Variants in CD109 observed in about 807,000 individuals in gnomAD.
The protein encoded by CD109 is CD109 antigen.
In CD109, 149 loss-of-function variants were observed where a neutral mutation model predicts 165.8. That is an observed-to-expected ratio of 0.90 (90% confidence interval 0.79 to 1.03). The LOEUF is 1.03. CD109 is among the 50% of genes least tolerant of loss of function. The probability of loss-of-function intolerance (pLI) is 0.00; values close to 1 mark genes in which losing one functional copy is unlikely to be tolerated. For missense variants in CD109, 1,712 were observed against 1,677.8 expected, an observed-to-expected ratio of 1.02 and a Z score of -0.36; for synonymous variants, 585 against 592.1, an observed-to-expected ratio of 0.99 and a Z score of 0.18.
chr6:73,725,193 A>G (rs938834305), intron 3 of CD109, among the ~76,000 whole-genome samples: 4 of 152,174 alleles, frequency 2.6e-5, no homozygotes, highest in Non-Finnish European at 4.4e-5. Context: ...AACCTAAAAC[A>G]TTAGATACTG....
At chr6:73,788,735 T>C (rs1298571999) in intron 22 of CD109, 123 bp downstream of exon 22, 7 of 798,600 alleles carry the variant, frequency 8.8e-6, no homozygotes, top group Middle Eastern at 3.5e-4. Flanking sequence ...AAGTTTTTAA[T>C]TGGGCCCAAC....
rs753896488 is a variant in CD109, at chr6:73,762,388, A to G, written c.763A>G (p.Thr255Ala). ...HLNGTITAKYTYGKPVKGDVT... is the reference protein window; with the variant it reads ...HLNGTITAKYAYGKPVKGDVT... ...ACTATGTTTATAATTATTCAGGTAT[A>G]CATATGGGAAGCCAGTGAAAGGAGA... The change falls in exon 8 of 33, where the codon ACA becomes GCA. Residue 255 changes from threonine to alanine, a missense_variant. Physicochemically the swap from Thr to Ala is moderately conservative, Grantham distance 58. Transcript: ENST00000287097. The G allele has an allele frequency of 8.8e-6, 14 of 1,586,716 alleles. No individual in the cohort carries two copies. Among genetic ancestry groups the G allele is most frequent in the Non-Finnish European group, 1.2e-5 (14 of 1,155,650 alleles).
At chr6:73,809,825 GATAAATAAATACATGTCTGGC>G (rs1328203992) in intron 26 of CD109, among the ~76,000 whole-genome samples, 138 bp from the exon 27 acceptor site, 2 of 152,004 alleles carry the variant, frequency 1.3e-5, no homozygotes, top group Non-Finnish European at 2.9e-5. Flanking sequence ...GTGTGTTTGT[GATAAATAAATACATGTCTGGC>G]ATAAATAAAT....
At chr6:73,697,672 G>A in intron 2 of CD109, 100 bp downstream of exon 2, 2 of 971,686 alleles carry the variant, frequency 2.1e-6, no homozygotes, top group Non-Finnish European at 1.5e-6. Flanking sequence ...CCCCAAATTT[G>A]CAGTATCTTA....
rs1772319320 is a variant in CD109 at position 73,730,407 on chromosome 6, A to G, written c.340A>G (p.Ile114Val). The change falls in exon 4 of 33, where the codon ATT becomes GTT. Residue 114 changes from isoleucine to valine, a missense_variant. Physicochemically the swap from Ile to Val is conservative, Grantham distance 29. Transcript: ENST00000287097. ...TGTAACCGGACGTACCCAGGATGAGATTTTATTCTCTAATAGTACCCGCTT... is the reference window on the plus strand; with the variant it reads ...TGTAACCGGACGTACCCAGGATGAGGTTTTATTCTCTAATAGTACCCGCTT... ...LRVTGRTQDEILFSNSTRLSF... is the reference protein window; with the variant it reads ...LRVTGRTQDEVLFSNSTRLSF... 4 of 1,613,980 alleles carry G rather than the reference A, an allele frequency of 2.5e-6. No individual in the cohort carries two copies. The highest frequency in any genetic ancestry group is 3.4e-6 in the Non-Finnish European group (4 of 1,179,900).
At chr6:73,753,896 A>G (rs762194262) in intron 5 of CD109, among the ~76,000 whole-genome samples, 6 of 152,198 alleles carry the variant, frequency 3.9e-5, no homozygotes, top group Non-Finnish European at 7.3e-5. Context: ...GAATTGACTC[A>G]TTTATTCATT....
chr6:73,699,672 T>A (rs771573023), intron 2 of CD109, among the ~76,000 whole-genome samples: 15 of 152,292 alleles, frequency 9.8e-5, no homozygotes, highest in Non-Finnish European at 1.5e-4. Flanking sequence ...GTTCAAGTAC[T>A]CAAGACTGGG....
rs558742775 is a variant in CD109 at position 73,716,840 on chromosome 6, A to C, written c.248-6411A>C. ...GCCTGTGCTTGTGGGATATTGCTCA[A>C]GAAATCTTTGCCCAGTTCAGTGTCC... On this transcript the variant is annotated intron_variant, in intron 2 of 32. Coordinates refer to ENST00000287097, the MANE Select transcript of CD109 (RefSeq NM_133493.5). Among the ~76,000 whole-genome samples the C allele has an allele frequency of 2.6e-5, 4 of 152,314 alleles. No homozygotes were observed. In the South Asian group the frequency reaches 8.3e-4, roughly 32 times the overall value.
chr6:73,766,257 G>A, intron 11 of CD109, 103 bp downstream of exon 11: 1 of 855,628 alleles, frequency 1.2e-6, no homozygotes, highest in Non-Finnish European at 1.8e-6. Context: ...CATAGGAAGT[G>A]GACACATGTT....
chr6:73,697,225 T>C (rs1306278490), intron 1 of CD109, among the ~76,000 whole-genome samples, 175 bp from the exon 2 acceptor site: 1 of 152,266 alleles, frequency 6.6e-6, no homozygotes, highest in African/African-American at 2.4e-5. Flanking sequence ...GGAATTATTG[T>C]TGTTTCAGTA....
rs142605206 is a variant in CD109 at position 73,790,450 on chromosome 6, G to C, written c.2701+1838G>C. 2.0e-3 allele frequency among the ~76,000 whole-genome samples: 303 copies of C among 152,138 alleles called. 2 individuals carry two copies. In the East Asian group the frequency reaches 0.038, roughly 19 times the overall value. ...CTACACAAATGGTGTTATTAATCAGGGTTCTCCAGAGAAACAGAACCAATA... is the reference window on the plus strand; with the variant it reads ...CTACACAAATGGTGTTATTAATCAGCGTTCTCCAGAGAAACAGAACCAATA... On this transcript the variant is annotated intron_variant, in intron 22 of 32. Coordinates refer to ENST00000287097, the MANE Select transcript of CD109 (RefSeq NM_133493.5).
rs557990516 is a variant in CD109 at position 73,761,060 on chromosome 6, CACACACACACAA to C, written c.759-1321_759-1310del. ...ACACACACACACACACACACACACA[CACACACACACAA>C]ACCCAGAAACTAAGTTTGGTACTAC... On this transcript the variant is annotated intron_variant, in intron 7 of 32. Coordinates refer to ENST00000287097, the MANE Select transcript of CD109 (RefSeq NM_133493.5). Among the ~76,000 whole-genome samples the C allele has an allele frequency of 4.9e-3, 714 of 146,806 alleles. 7 individuals are homozygous for C. The highest frequency in any genetic ancestry group is 0.017 in the African/African-American group (667 of 40,164).
chr6:73,783,311 G>A (rs1229064338), intron 18 of CD109, among the ~76,000 whole-genome samples: 1 of 152,210 alleles, frequency 6.6e-6, no homozygotes, highest in Non-Finnish European at 1.5e-5. Flanking sequence ...ACACATGAGT[G>A]AAATCTCAAG....
chr6:73,758,598 G>A (rs1773490417), intron 6 of CD109, among the ~76,000 whole-genome samples: 1 of 152,004 alleles, frequency 6.6e-6, no homozygotes, highest in African/African-American at 2.4e-5. Context: ...TGGCCAGGCT[G>A]GTCTTGAACT....
intron 7 of CD109, among the ~76,000 whole-genome samples, chr6:73,762,088 A>G (rs963360194): frequency 6.6e-6 from 1 of 151,920 alleles, no homozygotes; most frequent in African/African-American, 2.4e-5. Flanking sequence ...TCAGCCTCCA[A>G]AGTAGCTGGG....
intron 29 of CD109, 76 bp from the exon 30 acceptor site, chr6:73,814,905 C>A: frequency 9.5e-7 from 1 of 1,049,722 alleles, no homozygotes; most frequent in Non-Finnish European, 1.3e-6. Flanking sequence ...GAATCATTAC[C>A]TAATACAGTA....
At chr6:73,728,541 C>T (rs922646919) in intron 3 of CD109, among the ~76,000 whole-genome samples, 2 of 152,166 alleles carry the variant, frequency 1.3e-5, no homozygotes, top group African/African-American at 4.8e-5. Context: ...ATCCATCTAC[C>T]CATCTTTCTA....
rs751571716 is a variant in CD109 at position 73,787,448 on chromosome 6, T to TA, written c.2555dup (p.Ala853GlyfsTer2). ...GATGCTGTCACCCAGATGATTTTAG[T>TA]AAAGGTAAATATTTGATGTCTGAAA... On this transcript the variant is annotated frameshift_variant, in exon 21 of 33. Transcript: ENST00000287097. LOFTEE classifies it high-confidence loss of function. 5 of 1,602,742 alleles carry TA rather than the reference T, an allele frequency of 3.1e-6. No individual in the cohort carries two copies. Among genetic ancestry groups the TA allele is most frequent in the Non-Finnish European group, 4.3e-6 (5 of 1,171,110 alleles).
intron 32 of CD109, among the ~76,000 whole-genome samples, chr6:73,821,386 C>G (rs147419921): frequency 6.6e-6 from 1 of 152,114 alleles, no homozygotes; most frequent in Non-Finnish European, 1.5e-5. Context: ...ACCCAAAGGA[C>G]AATAAATTGT....
Sources: allele counts gnomAD v4.1 joint callset (sites outside exome capture counted in the v4.1 genomes callset), GRCh38; gene constraint gnomAD v4.1.1; transcripts MANE v1.5; gene names NCBI Gene and HGNC (gene_info 2026-07-23, HGNC 2026-07-21).